Variants in ABCA9 observed in about 807,000 individuals in gnomAD.
The protein encoded by ABCA9 is ATP binding cassette subfamily A member 9.
Under a neutral mutation model 205.3 loss-of-function variants are expected in ABCA9, and 183 were observed. The observed-to-expected ratio is 0.89, with a 90% CI of 0.79 to 1.01. The LOEUF (loss-of-function observed/expected upper bound fraction) is 1.01, where lower values mean the gene tolerates loss of function less well. ABCA9 is among the 50% of genes least tolerant of loss of function. The pLI is 0.00. For missense variants in ABCA9, 1,805 were observed against 1,912.4 expected (o/e 0.94, Z 1.05); for synonymous variants, 651 against 683.3 (o/e 0.95, Z 0.74).
At position 68,982,572 on chromosome 17, in the gene ABCA9, T is replaced by C; in HGVS notation, c.4710A>G (p.Lys1570=). 1 of 1,613,750 alleles carries C rather than the reference T, an allele frequency of 6.2e-7. No homozygotes were observed. The highest frequency in any genetic ancestry group is 8.5e-7 in the Non-Finnish European group (1 of 1,179,650). The change falls in exon 37 of 39, where the codon AAA becomes AAG. Residue 1570 remains lysine, a synonymous_variant. Coordinates refer to ENST00000340001, the MANE Select transcript of ABCA9 (RefSeq NM_080283.4). ...AACAGTCACTCTTACCTATCTCTAA[T>C]TTGAAGAAAGCCTGTGATAAAGGTC... is the stretch of plus-strand genomic sequence containing the variant. ...DVRPLSQAFF[K]LEIVKQSFDL...
At chr17:69,014,570 C>T (rs1301162558) in intron 22 of ABCA9, among the ~76,000 whole-genome samples, 3 of 151,960 alleles carry the variant, frequency 2.0e-5, no homozygotes, top group Non-Finnish European at 4.4e-5. Context: ...ATATAAATTA[C>T]ATGGGAAATA....
intron 27 of ABCA9, 175 bp from the exon 28 acceptor site, chr17:68,992,441 C>T: frequency 2.2e-6 from 1 of 460,238 alleles, no homozygotes; most frequent in Non-Finnish European, 3.9e-6. Context: ...AGCCTCACTG[C>T]TATTCAGAGA....
chr17:69,053,067 CTCCTTCAGTTAGGGCTT>C (rs61557003), intron 1 of ABCA9, among the ~76,000 whole-genome samples: 6,081 of 152,252 alleles, frequency 0.04, 248 homozygotes, highest in African/African-American at 0.097. Context: ...GTTCCCCAAA[CTCCTTCAGTTAGGGCTT>C]TTGTGGAGAC....
chr17:69,031,942 AAT>A (rs1159068363), intron 10 of ABCA9, among the ~76,000 whole-genome samples, 164 bp downstream of exon 10: 4 of 152,310 alleles, frequency 2.6e-5, no homozygotes, highest in African/African-American at 9.6e-5. Context: ...AATGTGAGAA[AAT>A]AGAGTGCTAT....
At chr17:69,006,510 A>T (rs1188547855) in intron 25 of ABCA9, among the ~76,000 whole-genome samples, 2 of 152,182 alleles carry the variant, frequency 1.3e-5, no homozygotes, top group African/African-American at 4.8e-5. Flanking sequence ...ATTCTAAATA[A>T]CCTATTGTCG....
chr17:68,981,195 A>G (rs1417668392), intron 37 of ABCA9, among the ~76,000 whole-genome samples: 1 of 152,198 alleles, frequency 6.6e-6, no homozygotes, highest in African/African-American at 2.4e-5. Context: ...CAGACAGGAT[A>G]AATAAATTCA....
intron 25 of ABCA9, among the ~76,000 whole-genome samples, chr17:69,003,124 G>A (rs1337096652): frequency 6.6e-6 from 1 of 151,418 alleles, no homozygotes; most frequent in African/African-American, 2.4e-5. Flanking sequence ...TACATTTAAA[G>A]TTAATAGTGT....
Position 69,026,366 on chromosome 17 carries a change from C to G in ABCA9, c.2141+11G>C. 1 of 1,608,144 alleles carries G rather than the reference C, an allele frequency of 6.2e-7. No individual in the cohort carries two copies. Reference sequence around the variant, plus strand: ...CATCTGTCAACACGTCTCCAACATTCAGGGCTGTACCTTAAATGGTAGCCT... The same window carrying G: ...CATCTGTCAACACGTCTCCAACATTGAGGGCTGTACCTTAAATGGTAGCCT... On this transcript the variant is annotated intron_variant, in intron 16 of 38. Transcript: ENST00000340001.
At chr17:69,005,607 A>ACTT (rs1377023798) in intron 25 of ABCA9, among the ~76,000 whole-genome samples, 1 of 152,180 alleles carries the variant, frequency 6.6e-6, no homozygotes, top group Non-Finnish European at 1.5e-5. Context: ...CGTATCAGGG[A>ACTT]CTTCGTTCCT....
rs2070672713 is a variant in ABCA9 at position 69,017,783 on chromosome 17, G to A, written c.2774C>T (p.Thr925Ile). 6.2e-7 allele frequency: 1 copy of A among 1,612,524 alleles called. No individual in the cohort carries two copies. ...CAGTGAATGTAAAAAGTTATCAATGGTTGACCCTACATGAAGGCAAAGATT... is the reference window on the plus strand; with the variant it reads ...CAGTGAATGTAAAAAGTTATCAATGATTGACCCTACATGAAGGCAAAGATT... ...HLLVINKTGS[T>I]IDNFLHSLRR... Residue 925 changes from threonine to isoleucine, a missense_variant, in exon 21 of 39, where the codon ACC becomes ATC. Coordinates refer to ENST00000340001, the MANE Select transcript of ABCA9 (RefSeq NM_080283.4).
At chr17:69,002,053 C>G (rs1436746486) in intron 25 of ABCA9, among the ~76,000 whole-genome samples, 1 of 151,254 alleles carries the variant, frequency 6.6e-6, no homozygotes, top group Non-Finnish European at 1.5e-5. Flanking sequence ...TTTTGTTGAT[C>G]CTTTCAAAAA....
upstream of ABCA9, among the ~76,000 whole-genome samples, chr17:69,064,135 C>T (rs1460106112): frequency 6.6e-6 from 1 of 152,214 alleles, no homozygotes; most frequent in East Asian, 1.9e-4. Flanking sequence ...CCTTTGGTTA[C>T]CCAATCCTTT....
At chr17:69,073,619 T>C in the ABCA9 span, among the ~76,000 whole-genome samples, 1 of 152,194 alleles carries the variant, frequency 6.6e-6, no homozygotes, top group Non-Finnish European at 1.5e-5. Context: ...GGGAAACTTA[T>C]AGCACTAAAT....
Position 69,029,549 on chromosome 17 carries a change from G to T in ABCA9, c.1446-322C>A, listed in dbSNP as rs148730900. On this transcript the variant is annotated intron_variant, in intron 10 of 38. Coordinates refer to ENST00000340001, the MANE Select transcript of ABCA9 (RefSeq NM_080283.4). Reference sequence around the variant, plus strand: ...GAGGAAAGCTGAAGATAAAATCAGTGGTGAGGAGATACTATGGTGGAAAAA... The same window carrying T: ...GAGGAAAGCTGAAGATAAAATCAGTTGTGAGGAGATACTATGGTGGAAAAA... Among the ~76,000 whole-genome samples the T allele has an allele frequency of 2.4e-3, 359 of 152,180 alleles. 2 individuals are homozygous for T. Among genetic ancestry groups the T allele is most frequent in the African/African-American group, 8.2e-3 (342 of 41,518 alleles).
chr17:68,997,451 A>C (rs1397281040), intron 25 of ABCA9, among the ~76,000 whole-genome samples: 2 of 151,996 alleles, frequency 1.3e-5, no homozygotes, highest in Non-Finnish European at 2.9e-5. Flanking sequence ...GATCTTCCTA[A>C]ATGTTTAAGT....
intron 1 of ABCA9, among the ~76,000 whole-genome samples, chr17:69,057,810 G>T (rs1335638360): frequency 6.6e-6 from 1 of 151,974 alleles, no homozygotes; most frequent in Non-Finnish European, 1.5e-5. Context: ...GGATGGCTAG[G>T]TTTGTACTGA....
Position 68,975,741 on chromosome 17 carries a change from T to A in ABCA9, c.*174A>T. ...TATGGCTTAGGCTTATGCCCTATGATCGCCCTCACTGACATCGCCTGTTGT... is the reference window on the plus strand; with the variant it reads ...TATGGCTTAGGCTTATGCCCTATGAACGCCCTCACTGACATCGCCTGTTGT... On this transcript the variant is annotated 3_prime_UTR_variant, in exon 39 of 39. Coordinates refer to ENST00000340001, the MANE Select transcript of ABCA9 (RefSeq NM_080283.4). 1 of 597,032 alleles carries A rather than the reference T, an allele frequency of 1.7e-6. No homozygotes were observed. The allele number at this position is 597,032 out of a possible 1,614,324, so 37.0% of individuals were successfully genotyped here. A position where few individuals can be genotyped will look rare whatever the true frequency, so the allele number is the denominator to read the frequency against.
intron 25 of ABCA9, among the ~76,000 whole-genome samples, chr17:69,003,843 C>T (rs2144137950): frequency 6.6e-6 from 1 of 152,166 alleles, no homozygotes; most frequent in Admixed American, 6.5e-5. Context: ...CTCTAAACTT[C>T]CCTTCTCGCT....
At position 69,021,872 on chromosome 17, in the gene ABCA9, A is replaced by G. The variant is rs181040547; in HGVS notation, c.2282-11T>C. 2.8e-6 allele frequency: 4 copies of G among 1,418,624 alleles called. No homozygotes were observed. The Admixed American group carries it at 6.8e-5, about 24-fold the overall frequency. The allele number at this position is 1,418,624 out of a possible 1,614,324, so 87.9% of individuals were successfully genotyped here. A position where few individuals can be genotyped will look rare whatever the true frequency, so the allele number is the denominator to read the frequency against. ...GATCCCTGTAAAGTTCTAAAAGTGG[A>G]TACAAAAACAGATTATAAGAATATA... On this transcript the variant is annotated splice_polypyrimidine_tract_variant and intron_variant, in intron 17 of 38. Transcript: ENST00000340001.
Sources: gnomAD v4.1 joint callset for allele counts (sites outside exome capture counted in the v4.1 genomes callset) on GRCh38, gnomAD v4.1.1 for gene constraint, MANE v1.5 for transcripts, NCBI Gene and HGNC (gene_info 2026-07-23, HGNC 2026-07-21) for gene names.